PLXNA1: variants seen among roughly 807,000 people sequenced by gnomAD.
The protein encoded by PLXNA1 is plexin-A1.
In PLXNA1, 77 loss-of-function variants were observed where a neutral mutation model predicts 191.7. That is an observed-to-expected ratio of 0.40 (90% CI 0.33 to 0.49). The LOEUF (loss-of-function observed/expected upper bound fraction) is 0.49. Among genes scored for constraint, PLXNA1 ranks in the 20% least tolerant of loss-of-function variants. PLXNA1 has a pLI of 0.63. For missense variants in PLXNA1, 2,110 were observed against 2,660.2 expected, an observed-to-expected ratio of 0.79 and a Z score of 4.55; for synonymous variants, 1,137 against 1,156.4, an observed-to-expected ratio of 0.98 and a Z score of 0.34.
chr3:126,998,516 T>C (rs2079025273), intron 3 of PLXNA1, among the ~76,000 whole-genome samples: 1 of 152,138 alleles, frequency 6.6e-6, no homozygotes, highest in Non-Finnish European at 1.5e-5. Context: ...GGTATGTGAC[T>C]GAGGTGGTGC....
chr3:127,009,550 T>TCCCCCCCCCCAC, intron 9 of PLXNA1, among the ~76,000 whole-genome samples: 83 of 139,640 alleles, frequency 5.9e-4, no homozygotes, highest in Middle Eastern at 3.7e-3. Flanking sequence ...CCAGTGGCAG[T>TCCCCCCCCCCAC]CCCCCCCCAA....
intron 3 of PLXNA1, among the ~76,000 whole-genome samples, chr3:127,002,876 C>T (rs2079047467): frequency 6.6e-6 from 1 of 152,102 alleles, no homozygotes; most frequent in South Asian, 2.1e-4. Flanking sequence ...TCTGGAGTCT[C>T]CTGGTCCACT....
chr3:127,017,481 C>T lies in PLXNA1; in HGVS notation c.3333C>T (p.Asn1111=). 6.2e-7 allele frequency: 1 copy of T among 1,613,518 alleles called. No individual in the cohort carries two copies. The highest frequency in any genetic ancestry group is 8.5e-7 in the Non-Finnish European group (1 of 1,180,020). ...TATGCCGCGCCCCGTCTGTGGCCAA[C>T]CCTGTGCGCAGCCCACCAGAGCTGG... is the stretch of plus-strand genomic sequence containing the variant. The part of the protein sequence containing the change: ...TMVCRAPSVA[N]PVRSPPELGE... The change falls in exon 18 of 32, where the codon AAC becomes AAT. Residue 1111 remains asparagine (N), a synonymous_variant. Coordinates refer to ENST00000393409, the MANE Select transcript of PLXNA1 (RefSeq NM_032242.4).
At chr3:126,993,785 T>C (rs2079002550) in intron 3 of PLXNA1, among the ~76,000 whole-genome samples, 1 of 152,188 alleles carries the variant, frequency 6.6e-6, no homozygotes. Flanking sequence ...ACGCCTCTGC[T>C]TTGTCCCCCT....
In PLXNA1 at chr3:127,014,249, C is replaced by G; in HGVS notation, c.2478C>G (p.Phe826Leu). ...CGLCLKADPR[F>L]ECGWCVAERR... The stretch of plus-strand genomic sequence containing the variant: ...TCTGCCTCAAGGCCGACCCGCGCTT[C>G]GAGTGCGGATGGTGCGTGGCCGAGC... Residue 826 changes from phenylalanine to leucine, a missense_variant, in exon 12 of 32, where the codon TTC (phenylalanine) becomes TTG (leucine). Transcript: ENST00000393409. 6.2e-7 allele frequency: 1 copy of G among 1,602,184 alleles called. No homozygotes were observed. Among genetic ancestry groups the G allele is most frequent in the Non-Finnish European group, 8.5e-7 (1 of 1,175,052 alleles).
chr3:127,002,158 G>A (rs868052308), intron 3 of PLXNA1, among the ~76,000 whole-genome samples: 1 of 152,254 alleles, frequency 6.6e-6, no homozygotes, highest in African/African-American at 2.4e-5. Flanking sequence ...TCCTCCCAGA[G>A]GCCGTGGGCC....
chr3:127,030,188 G>C (rs2079201396), intron 28 of PLXNA1, 55 bp from the exon 29 acceptor site: 1 of 1,598,432 alleles, frequency 6.3e-7, no homozygotes, highest in Non-Finnish European at 8.5e-7. Context: ...CACCCAGGAG[G>C]TGTAGGCAGC....
chr3:127,012,219 G>T, intron 10 of PLXNA1, 61 bp downstream of exon 10: 1 of 1,544,144 alleles, frequency 6.5e-7, no homozygotes, highest in African/African-American at 1.4e-5. Flanking sequence ...TATCCTCACG[G>T]CCCTGGGTCC....
intron 4 of PLXNA1, among the ~76,000 whole-genome samples, chr3:127,004,011 C>T (rs765903907): frequency 3.3e-5 from 5 of 152,246 alleles, no homozygotes; most frequent in East Asian, 1.9e-4. Flanking sequence ...CTGGTAACCT[C>T]GTGGCAGCTG....
chr3:126,997,883 G>A (rs868756282), intron 3 of PLXNA1, among the ~76,000 whole-genome samples: 2 of 152,264 alleles, frequency 1.3e-5, no homozygotes, highest in African/African-American at 2.4e-5. Context: ...GGAGGCAGCA[G>A]TGGCTTCCCC....
intron 1 of PLXNA1, among the ~76,000 whole-genome samples, chr3:126,984,162 C>T (rs1400616158): frequency 6.6e-6 from 1 of 152,156 alleles, no homozygotes; most frequent in Non-Finnish European, 1.5e-5. Flanking sequence ...TCCAGGGAGG[C>T]CCCTCGGTCG....
Position 127,011,950 on chromosome 3 carries a change from A to C in PLXNA1, c.2113-8A>C. 1 of 1,609,842 alleles carries C rather than the reference A, an allele frequency of 6.2e-7. No individual in the cohort carries two copies. The highest frequency in any genetic ancestry group is 8.5e-7 in the Non-Finnish European group (1 of 1,176,732). On this transcript the variant is annotated splice_region_variant and splice_polypyrimidine_tract_variant and intron_variant, in intron 9 of 31. Transcript: ENST00000393409. ...CCCCGGGCTCAGCCAAACTCTTCTT[A>C]TCCCCAGGACTGCCCACAGATCCTG...
chr3:127,017,061 C>T (rs1158096023), intron 17 of PLXNA1, 24 bp downstream of exon 17: 2 of 1,595,088 alleles, frequency 1.3e-6, no homozygotes, highest in African/African-American at 1.3e-5. Context: ...CTCAGCTGCC[C>T]ACCTCGGTCC....
chr3:127,013,909 G>C (rs1423754481), intron 10 of PLXNA1, 111 bp from the exon 11 acceptor site: 1 of 902,814 alleles, frequency 1.1e-6, no homozygotes, highest in Admixed American at 1.7e-5. Flanking sequence ...GAGCGGTTGT[G>C]GCTGCAGAAA....
intron 23 of PLXNA1, among the ~76,000 whole-genome samples, chr3:127,025,238 C>G (rs1359114246): frequency 6.6e-6 from 1 of 152,194 alleles, no homozygotes; most frequent in African/African-American, 2.4e-5. Context: ...TCTCCCTCCC[C>G]CTGAGCCCTT....
rs374130075 is a variant in PLXNA1 at position 127,028,124 on chromosome 3, C to T, written c.4509+38C>T. 70 of 1,613,276 alleles carry T rather than the reference C, an allele frequency of 4.3e-5. No individual in the cohort carries two copies. The African/African-American group carries it at 8.7e-4, about 20-fold the overall frequency. On this transcript the variant is annotated intron_variant, in intron 24 of 31. Coordinates refer to ENST00000393409, the MANE Select transcript of PLXNA1 (RefSeq NM_032242.4). ...GCCCTCTGTCCTGGGTGCCCTGGTG[C>T]CCCCCACCCCCCAGTTGTGGGGCTG...
chr3:127,016,382 C>G (rs568873115), intron 15 of PLXNA1, 135 bp from the exon 16 acceptor site: 3 of 733,282 alleles, frequency 4.1e-6, no homozygotes, highest in Non-Finnish European at 6.9e-6. Context: ...GGGAAAGTAG[C>G]GGTGATAGTA....
intron 15 of PLXNA1, 34 bp downstream of exon 15, chr3:127,015,354 GC>G (rs2079117904): frequency 1.3e-6 from 2 of 1,582,914 alleles, no homozygotes; most frequent in Non-Finnish European, 8.6e-7. Flanking sequence ...GGGCCTGGCT[GC>G]CCCTCCTCCT....
At chr3:126,996,282 G>C (rs2079014673) in intron 3 of PLXNA1, among the ~76,000 whole-genome samples, 1 of 152,204 alleles carries the variant, frequency 6.6e-6, no homozygotes. Context: ...GGCACCTGCT[G>C]TGTGCCTGGG....
Sources: gnomAD v4.1 joint callset for allele counts (sites outside exome capture counted in the v4.1 genomes callset) on GRCh38, gnomAD v4.1.1 for gene constraint, MANE v1.5 for transcripts, NCBI Gene and HGNC (gene_info 2026-07-23, HGNC 2026-07-21) for gene names.